MYLK2: variants seen among roughly 807,000 people sequenced by gnomAD.
MYLK2 encodes the protein myosin light chain kinase 2, also known as myosin light chain kinase 2, skeletal/cardiac muscle.
A neutral mutation model predicts 58.2 loss-of-function variants in MYLK2; 27 were observed. The observed-to-expected ratio is 0.46, with a 90% CI of 0.34 to 0.64. MYLK2 has a LOEUF of 0.64. MYLK2 is among the 30% of genes least tolerant of loss of function. The pLI is 0.01. For missense variants in MYLK2, 676 were observed against 764.3 expected, an observed-to-expected ratio of 0.88 and a Z score of 1.36; for synonymous variants, 310 against 296.7, an observed-to-expected ratio of 1.04 and a Z score of -0.46.
chr20:31,820,633 A>C, intron 3 of MYLK2, 87 bp downstream of exon 3: 1 of 1,487,758 alleles, frequency 6.7e-7, no homozygotes, highest in Non-Finnish European at 9.2e-7. Context: ...AGGCATGGTT[A>C]TCATCACATT....
rs1336419306 is a variant in MYLK2 at position 31,827,603 on chromosome 20, C to T, written c.1224+665C>T. ...GCGCTATCTTGGCTCACTGCAACCTCCGCCTCCTGGGTTCAAGCGATTCTC... is the reference window on the plus strand; with the variant it reads ...GCGCTATCTTGGCTCACTGCAACCTTCGCCTCCTGGGTTCAAGCGATTCTC... On this transcript the variant is annotated intron_variant, in intron 8 of 12. Coordinates refer to ENST00000375985, the MANE Select transcript of MYLK2 (RefSeq NM_033118.4). 5 of 934,798 alleles carry T rather than the reference C, an allele frequency of 5.3e-6. No homozygotes were observed. The African/African-American group carries it at 8.9e-5, about 17-fold the overall frequency. The allele number at this position is 934,798 out of a possible 1,614,324, so 57.9% of individuals were successfully genotyped here. A position where few individuals can be genotyped will look rare whatever the true frequency, so the allele number is the denominator to read the frequency against.
intron 11 of MYLK2, 66 bp downstream of exon 11, chr20:31,831,921 C>T (rs1440700432): frequency 9.9e-6 from 16 of 1,613,182 alleles, no homozygotes; most frequent in African/African-American, 8.0e-5. Context: ...GCTGGCAGGG[C>T]GGGAGCCAGG....
chr20:31,830,318 G>T (rs1017606552), intron 8 of MYLK2, among the ~76,000 whole-genome samples: 1 of 152,182 alleles, frequency 6.6e-6, no homozygotes, highest in East Asian at 1.9e-4. Context: ...ACTAACTGGG[G>T]AGACAAGAGT....
intron 2 of MYLK2, 87 bp downstream of exon 2, chr20:31,819,719 C>G (rs1170442748): frequency 3.1e-5 from 45 of 1,461,762 alleles, no homozygotes; most frequent in Non-Finnish European, 4.2e-5. Flanking sequence ...AGTGGGAGTT[C>G]TGTGCCCCAG....
At chr20:31,826,740 G>T (rs1353997972) in intron 7 of MYLK2, 26 bp downstream of exon 7, 16 of 1,613,938 alleles carry the variant, frequency 9.9e-6, no homozygotes, top group Non-Finnish European at 1.4e-5. Flanking sequence ...AGTGGTAGGG[G>T]CTGGGTGGGG....
chr20:31,832,283 T>G, intron 12 of MYLK2, 147 bp downstream of exon 12: 1 of 1,223,488 alleles, frequency 8.2e-7, no homozygotes, highest in South Asian at 1.3e-5. Flanking sequence ...TTTTCTGTTT[T>G]TGCCCTGGGC....
Position 31,824,366 on chromosome 20 carries a change from G to T in MYLK2, c.972+14G>T. The stretch of plus-strand genomic sequence containing the variant: ...CCCAAAGACAAGGTAGTGAGGTTGC[G>T]GGGGTGGTGGCTGCCCAGGATGGGG... On this transcript the variant is annotated intron_variant, in intron 6 of 12. Coordinates refer to ENST00000375985, the MANE Select transcript of MYLK2 (RefSeq NM_033118.4). 1 of 1,603,684 alleles carries T rather than the reference G, an allele frequency of 6.2e-7. No individual in the cohort carries two copies. The highest frequency in any genetic ancestry group is 2.2e-5 in the East Asian group (1 of 44,494).
Position 31,831,075 on chromosome 20 carries a change from T to C in MYLK2, c.1358T>C (p.Val453Ala), listed in dbSNP as rs1157137902. Residue 453 changes from valine (V) to alanine (A), a missense_variant, in exon 10 of 13, where the codon GTG becomes GCG. Physicochemically the swap from Val to Ala is moderately conservative, Grantham distance 64. This residue lies in a region of MYLK2 where 370 missense variants were observed against 467.8 expected (regional missense o/e 0.79). Transcript: ENST00000375985. Reference protein sequence around the residue: ...FGTPEFLSPEVVNYDQISDKT... With the variant: ...FGTPEFLSPEAVNYDQISDKT... ...ACCCCAGAGTTCCTGTCACCTGAGG[T>C]GGTGAATTATGACCAAATCTCCGAT... is the stretch of plus-strand genomic sequence containing the variant. 1 of 1,613,828 alleles carries C rather than the reference T, an allele frequency of 6.2e-7. No individual in the cohort carries two copies. The highest frequency in any genetic ancestry group is 1.1e-5 in the South Asian group (1 of 91,054).
chr20:31,826,869 G>A lies in MYLK2; in HGVS notation c.1155G>A (p.Val385=), dbSNP rs1340525409. The A allele has an allele frequency of 5.6e-6, 9 of 1,614,172 alleles. No individual in the cohort carries two copies. Among genetic ancestry groups the A allele is most frequent in the Non-Finnish European group, 7.6e-6 (9 of 1,180,036 alleles). The change falls in exon 8 of 13, where the codon GTG becomes GTA. Residue 385 remains valine, a synonymous_variant. Transcript: ENST00000375985. ...DYHLTEVDTM[V]FVRQICDGIL... ...ATCTGACCGAGGTGGACACCATGGT[G>A]TTTGTCAGGCAGATCTGTGACGGGA...
rs2062307854 is a variant in MYLK2, at chr20:31,831,805, A to G, written c.1527A>G (p.Val509=). ...TTGATGAAGAGACCTTTGAGGCCGT[A>G]TCAGACGAGGCCAAAGACTTTGTCT... ...WYFDEETFEA[V]SDEAKDFVSN... The change falls in exon 11 of 13, where the codon GTA becomes GTG. Residue 509 remains valine, a synonymous_variant. Transcript: ENST00000375985. 6.2e-7 allele frequency: 1 copy of G among 1,614,196 alleles called. No individual in the cohort carries two copies. Among genetic ancestry groups the G allele is most frequent in the East Asian group, 2.2e-5 (1 of 44,882 alleles).
chr20:31,828,344 G>A (rs2062290355), intron 8 of MYLK2: 2 of 985,282 alleles, frequency 2.0e-6, no homozygotes, highest in Non-Finnish European at 2.4e-6. Flanking sequence ...TAAGTGGCGG[G>A]ACATGGAATC....
Position 31,824,323 on chromosome 20 carries a change from G to A in MYLK2, c.943G>A (p.Val315Ile), listed in dbSNP as rs781485658. 1.9e-6 allele frequency: 3 copies of A among 1,613,236 alleles called. No individual in the cohort carries two copies. The highest frequency in any genetic ancestry group is 1.3e-5 in the African/African-American group (1 of 75,036). The change falls in exon 6 of 13, where the codon GTC (valine) becomes ATC (isoleucine). Residue 315 changes from valine (V) to isoleucine (I), a missense_variant. Coordinates refer to ENST00000375985, the MANE Select transcript of MYLK2 (RefSeq NM_033118.4). ...CACAGGCCTCAAGCTGGCAGCCAAGGTCATCAAGAAACAGACTCCCAAAGA... is the reference window on the plus strand; with the variant it reads ...CACAGGCCTCAAGCTGGCAGCCAAGATCATCAAGAAACAGACTCCCAAAGA... ...KATGLKLAAKVIKKQTPKDKE... is the reference protein window; with the variant it reads ...KATGLKLAAKIIKKQTPKDKE...
At chr20:31,830,052 G>T (rs1488642534) in intron 8 of MYLK2, among the ~76,000 whole-genome samples, 4 of 152,182 alleles carry the variant, frequency 2.6e-5, no homozygotes, top group Non-Finnish European at 5.9e-5. Flanking sequence ...AACATCACAA[G>T]GCCAGTGCTG....
At chr20:31,823,660 C>T (rs1224409493) in intron 5 of MYLK2, 78 bp downstream of exon 5, 5 of 1,389,770 alleles carry the variant, frequency 3.6e-6, no homozygotes, top group Non-Finnish European at 5.1e-6. Context: ...TTCCCCTGTG[C>T]AAGGCCCAGA....
intron 4 of MYLK2, 145 bp downstream of exon 4, chr20:31,821,882 C>T: frequency 3.0e-6 from 2 of 665,970 alleles, no homozygotes; most frequent in Non-Finnish European, 5.0e-6. Flanking sequence ...GGTCACACAA[C>T]TCCAGAAAGT....
intron 8 of MYLK2, among the ~76,000 whole-genome samples, chr20:31,830,307 C>T (rs1236917279): frequency 2.0e-5 from 3 of 152,184 alleles, no homozygotes; most frequent in Non-Finnish European, 4.4e-5. Flanking sequence ...TCATCATCCT[C>T]ACTAACTGGG....
In MYLK2 at chr20:31,828,367, C is replaced by T. The variant is rs1475416636; in HGVS notation, c.1224+1429C>T. ...GGGACATGGAATCTTAATGTGGAGG[C>T]GCGTGAGCACCCATCAGCAAAGTGG... On this transcript the variant is annotated intron_variant, in intron 8 of 12. Coordinates refer to ENST00000375985, the MANE Select transcript of MYLK2 (RefSeq NM_033118.4). 1.2e-5 allele frequency: 12 copies of T among 985,182 alleles called. No homozygotes were observed. The South Asian group carries it at 1.9e-4, about 15-fold the overall frequency. 61.0% of individuals were successfully genotyped at this position (985,182 alleles called of 1,614,324 possible).
chr20:31,824,147 G>A (rs2062266417), intron 5 of MYLK2, 112 bp from the exon 6 acceptor site: 1 of 1,538,460 alleles, frequency 6.5e-7, no homozygotes, highest in Non-Finnish European at 8.7e-7. Context: ...TCTCACCAAA[G>A]GGGATCCAGA....
At chr20:31,830,949 T>C (rs1485696419) in intron 9 of MYLK2, 60 bp downstream of exon 9, 1 of 1,296,034 alleles carries the variant, frequency 7.7e-7, no homozygotes. Flanking sequence ...GGGACAGGGG[T>C]GGGGTGGAGG....
Sources: allele counts gnomAD v4.1 joint callset (sites outside exome capture counted in the v4.1 genomes callset), GRCh38; gene constraint gnomAD v4.1.1; regional missense constraint gnomAD v4.1.1; transcripts MANE v1.5; gene names NCBI Gene and HGNC (gene_info 2026-07-23, HGNC 2026-07-21).